Variants in GPR55 observed in about 807,000 individuals in gnomAD.
The protein encoded by GPR55 is G protein-coupled receptor 55, also known as G-protein coupled receptor 55.
A neutral mutation model predicts 7.9 loss-of-function variants in GPR55; 6 were observed. The observed-to-expected ratio is 0.76, with a 90% CI of 0.41 to 1.49. The LOEUF is 1.49. Among genes scored for constraint, GPR55 ranks in the 40% most tolerant of loss-of-function variants. The pLI, the probability that GPR55 is intolerant of heterozygous loss-of-function variation, is 0.01. For missense variants in GPR55, 376 were observed against 406.0 expected, an observed-to-expected ratio of 0.93 and a Z score of 0.63; for synonymous variants, 183 against 166.8, an observed-to-expected ratio of 1.10 and a Z score of -0.75.
chr2:230,909,747 G>C lies in GPR55; in HGVS notation c.*256C>G. ...CAATTCTTCTGCTCTATAGTTTTTG[G>C]ACTTAGAAATCAGTAATTCACCTGG... On this transcript the variant is annotated 3_prime_UTR_variant, in exon 2 of 2. Transcript: ENST00000650999. 1 of 455,800 alleles carries C rather than the reference G, an allele frequency of 2.2e-6. No individual in the cohort carries two copies. The highest frequency in any genetic ancestry group is 3.9e-6 in the Non-Finnish European group (1 of 254,504). 28.2% of individuals were successfully genotyped at this position (455,800 alleles called of 1,614,324 possible).
chr2:230,959,920 G>C (rs1691543845), intron 1 of GPR55, among the ~76,000 whole-genome samples: 1 of 152,204 alleles, frequency 6.6e-6, no homozygotes, highest in Non-Finnish European at 1.5e-5. Context: ...TGTTTTTAAA[G>C]AGAAATAGGG....
chr2:230,926,075 A>G (rs1206998543), upstream of GPR55, among the ~76,000 whole-genome samples: 1 of 152,202 alleles, frequency 6.6e-6, no homozygotes, highest in Non-Finnish European at 1.5e-5. Flanking sequence ...AGGACCAAAC[A>G]CAAGCAATTT....
chr2:230,910,278 C>A lies in GPR55; in HGVS notation c.685G>T (p.Ala229Ser). 1 of 1,613,814 alleles carries A rather than the reference C, an allele frequency of 6.2e-7. No homozygotes were observed. The highest frequency in any genetic ancestry group is 2.2e-5 in the East Asian group (1 of 44,844). Residue 229 changes from alanine to serine, a missense_variant, in exon 2 of 2, where the codon GCA becomes TCA. Coordinates refer to ENST00000650999, the MANE Select transcript of GPR55 (RefSeq NM_005683.4). This position sits in a 1 kb window ranked among gnomAD's most constrained non-coding sequence, Gnocchi z 5.4. ...ACCACGAAGACAGCCAGGCTGGCTG[C>A]GATGCTGTAGATGCAGGCTTTCTGC... ...VQQKACIYSI[A>S]ASLAVFVVSF...
At chr2:230,925,835 G>A (rs1263372659), upstream of GPR55, among the ~76,000 whole-genome samples, 1 of 152,200 alleles carries the variant, frequency 6.6e-6, no homozygotes, top group African/African-American at 2.4e-5. Flanking sequence ...TCCCAGGCCT[G>A]CACAGAGATT....
At chr2:230,912,492 C>A (rs1349676970) in intron 1 of GPR55, among the ~76,000 whole-genome samples, 1 of 152,126 alleles carries the variant, frequency 6.6e-6, no homozygotes, top group Non-Finnish European at 1.5e-5. Flanking sequence ...TGCAGTGGCA[C>A]AATCTTGGCT....
rs574886228 is a variant in GPR55 at position 230,944,298 on chromosome 2, G to A, written c.-135+16477C>T. ...ATGACTGTCCCGGGGGCTTCCATGA[G>A]CTTGATGACCCAGAAGCTATGGTCC... is the stretch of plus-strand genomic sequence containing the variant. On this transcript the variant is annotated intron_variant, in intron 1 of 1. Coordinates refer to the GPR55 transcript ENST00000392039. This position sits in a 1 kb window ranked among gnomAD's most constrained non-coding sequence, Gnocchi z 4.2. Among the ~76,000 whole-genome samples, 1 of 152,334 alleles carries A rather than the reference G, an allele frequency of 6.6e-6. No homozygotes were observed. Among genetic ancestry groups the A allele is most frequent in the South Asian group, 2.1e-4 (1 of 4,824 alleles).
chr2:230,956,921 C>CTTTT (rs74270934), intron 1 of GPR55, among the ~76,000 whole-genome samples: 1 of 145,680 alleles, frequency 6.9e-6, no homozygotes, highest in Non-Finnish European at 1.5e-5. Flanking sequence ...TCAGATTAAC[C>CTTTT]TTTTTTTTTT....
intron 1 of GPR55, among the ~76,000 whole-genome samples, chr2:230,950,726 G>C (rs1034826261): frequency 2.6e-5 from 4 of 152,134 alleles, no homozygotes; most frequent in Non-Finnish European, 4.4e-5. Flanking sequence ...TGTTATGACA[G>C]TGGCTGTGTT....
intron 1 of GPR55, 73 bp downstream of exon 1, chr2:230,925,095 T>A (rs985306252): frequency 6.5e-6 from 1 of 152,778 alleles, no homozygotes; most frequent in Non-Finnish European, 1.5e-5. Context: ...GAGAGTTACC[T>A]GCAGTCCACA....
At chr2:230,920,717 T>C (rs188679813) in intron 1 of GPR55, among the ~76,000 whole-genome samples, 307 of 152,318 alleles carry the variant, frequency 2.0e-3, no homozygotes, top group Middle Eastern at 0.014. Context: ...ATTTTCCAAA[T>C]TGAATATTTA....
Position 230,910,495 on chromosome 2 carries a change from G to A in GPR55, c.468C>T (p.Ile156=), listed in dbSNP as rs1690564192. 1 of 1,614,178 alleles carries A rather than the reference G, an allele frequency of 6.2e-7. No homozygotes were observed. The highest frequency in any genetic ancestry group is 1.3e-5 in the African/African-American group (1 of 75,050). ...WVLVWTGSIP[I]YSFHGKVEKY... ...TTTCCACTTTCCCATGGAAACTGTA[G>A]ATAGGGATGCTTCCGGTCCACACCA... The change falls in exon 2 of 2, where the codon ATC becomes ATT. Residue 156 remains isoleucine, a synonymous_variant. Transcript: ENST00000650999. The surrounding 1 kb of genome is among the most constrained non-coding windows in gnomAD (Gnocchi z 5.4).
chr2:230,916,734 G>T (rs1390936908), intron 1 of GPR55, among the ~76,000 whole-genome samples: 2 of 151,760 alleles, frequency 1.3e-5, no homozygotes, highest in Non-Finnish European at 2.9e-5. Context: ...AGAAATATGT[G>T]TCAGATTCTT....
intron 1 of GPR55, among the ~76,000 whole-genome samples, chr2:230,936,931 G>T (rs1011357969): frequency 1.2e-4 from 18 of 152,222 alleles, no homozygotes; most frequent in Admixed American, 3.9e-4. Context: ...AGGAATAGAA[G>T]TCAGGACTCT....
At chr2:230,959,711 T>A (rs1691541294) in intron 1 of GPR55, among the ~76,000 whole-genome samples, 1 of 152,168 alleles carries the variant, frequency 6.6e-6, no homozygotes, top group African/African-American at 2.4e-5. Context: ...GCAACAGTAA[T>A]TCTTGATTTT....
chr2:230,956,956 G>C (rs955211589), intron 1 of GPR55, among the ~76,000 whole-genome samples: 2 of 151,136 alleles, frequency 1.3e-5, no homozygotes, highest in African/African-American at 4.9e-5. Flanking sequence ...TCCCCCTGTG[G>C]ATGCCTGAAA....
At chr2:230,934,407 T>C (rs1691101234) in intron 1 of GPR55, among the ~76,000 whole-genome samples, 2 of 152,204 alleles carry the variant, frequency 1.3e-5, no homozygotes, top group Admixed American at 1.3e-4. Flanking sequence ...TGGGGGTTAG[T>C]TCCCAGGACC....
At chr2:230,922,775 A>T (rs964485337) in intron 1 of GPR55, among the ~76,000 whole-genome samples, 1 of 151,964 alleles carries the variant, frequency 6.6e-6, no homozygotes, top group Non-Finnish European at 1.5e-5. Context: ...GCGTTTCTCT[A>T]TGTTGGTCAG....
At chr2:230,931,423 C>T (rs1209819768) in intron 1 of GPR55, among the ~76,000 whole-genome samples, 10 of 152,156 alleles carry the variant, frequency 6.6e-5, no homozygotes, top group African/African-American at 1.9e-4. Flanking sequence ...ATGTGCACCA[C>T]GAGCTTGATG....
In GPR55 at chr2:230,910,585, C is replaced by A; in HGVS notation, c.378G>T (p.Pro126=). 6.2e-7 allele frequency: 1 copy of A among 1,613,960 alleles called. No individual in the cohort carries two copies. The highest frequency in any genetic ancestry group is 8.5e-7 in the Non-Finnish European group (1 of 1,179,894). Reference sequence around the variant, plus strand: ...GGGACCGGAGGTGGCTCACCAGTAGCGGGTAACGGATGGCCAAGAACCGGT... The same window carrying A: ...GGGACCGGAGGTGGCTCACCAGTAGAGGGTAACGGATGGCCAAGAACCGGT... The part of the protein sequence containing the change: ...SMDRFLAIRY[P]LLVSHLRSPR... The change falls in exon 2 of 2, where the codon CCG becomes CCT. Residue 126 remains proline, a synonymous_variant. Coordinates refer to ENST00000650999, the MANE Select transcript of GPR55 (RefSeq NM_005683.4). The surrounding 1 kb of genome is among the most constrained non-coding windows in gnomAD (Gnocchi z 5.4).
Sources: allele counts gnomAD v4.1 joint callset (sites outside exome capture counted in the v4.1 genomes callset), GRCh38; gene constraint gnomAD v4.1.1; non-coding constraint Gnocchi (gnomAD v3.1); transcripts MANE v1.5; gene names NCBI Gene and HGNC (gene_info 2026-07-23, HGNC 2026-07-21).